Variants in THSD7B observed in about 807,000 individuals in gnomAD.
THSD7B encodes the protein thrombospondin type 1 domain containing 7B.
A neutral mutation model predicts 213.6 loss-of-function variants in THSD7B; 138 were observed. That is an observed-to-expected ratio of 0.65 (90% CI 0.56 to 0.74). The LOEUF (loss-of-function observed/expected upper bound fraction) is 0.74, where lower values mean the gene tolerates loss of function less well. Among genes scored for constraint, THSD7B ranks in the 30% least tolerant of loss-of-function variants. THSD7B has a pLI of 0.00. For missense variants in THSD7B, 1,931 were observed against 1,991.5 expected, an observed-to-expected ratio of 0.97 and a Z score of 0.58; for synonymous variants, 742 against 687.0, an observed-to-expected ratio of 1.08 and a Z score of -1.25.
intron 5 of THSD7B, among the ~76,000 whole-genome samples, chr2:137,158,893 A>G (rs1405395261): frequency 6.6e-6 from 1 of 152,220 alleles, no homozygotes; most frequent in Non-Finnish European, 1.5e-5. Context: ...AGACAATAGT[A>G]CAAACTAGTG....
At position 137,508,841 on chromosome 2, in the gene THSD7B, C is replaced by T. The variant is rs1466510648; in HGVS notation, c.3139-54380C>T. ...ACCCTGTGCCTAGAATCGTCCAGGGCCAGCAGTGTGGTCAGAGGAGAGACC... is the reference window on the plus strand; with the variant it reads ...ACCCTGTGCCTAGAATCGTCCAGGGTCAGCAGTGTGGTCAGAGGAGAGACC... On this transcript the variant is annotated intron_variant, in intron 15 of 27. Transcript: ENST00000409968. Among the ~76,000 whole-genome samples the T allele has an allele frequency of 2.6e-5, 4 of 152,174 alleles. No homozygotes were observed. The East Asian group carries it at 7.7e-4, about 29-fold the overall frequency.
intron 12 of THSD7B, among the ~76,000 whole-genome samples, chr2:137,341,057 C>A (rs1204249661): frequency 6.7e-6 from 1 of 149,014 alleles, no homozygotes; most frequent in Non-Finnish European, 1.5e-5. Flanking sequence ...ACCTTCCCAC[C>A]AACAGTTCCC....
At chr2:137,442,957 T>G (rs1687449988) in intron 14 of THSD7B, among the ~76,000 whole-genome samples, 2 of 152,116 alleles carry the variant, frequency 1.3e-5, no homozygotes, top group Admixed American at 1.3e-4. Context: ...CTGTGTGTCT[T>G]TATTGTGTTG....
At chr2:137,360,618 C>T (rs1024497682) in intron 12 of THSD7B, among the ~76,000 whole-genome samples, 2 of 152,014 alleles carry the variant, frequency 1.3e-5, no homozygotes, top group African/African-American at 4.8e-5. Context: ...ACTGCTAGTC[C>T]AAGATTGAAC....
At chr2:136,955,324 A>G (rs1245931112) in intron 2 of THSD7B, among the ~76,000 whole-genome samples, 1 of 152,238 alleles carries the variant, frequency 6.6e-6, no homozygotes, top group African/African-American at 2.4e-5. Flanking sequence ...GTTTCAGCCC[A>G]TAACATCAAA....
intron 2 of THSD7B, among the ~76,000 whole-genome samples, chr2:136,926,147 G>A (rs1357644277): frequency 1.3e-5 from 2 of 152,052 alleles, no homozygotes; most frequent in East Asian, 1.9e-4. Flanking sequence ...GCATTTGCTT[G>A]TATATGCATT....
intron 10 of THSD7B, among the ~76,000 whole-genome samples, chr2:137,267,512 C>A (rs1294856238): frequency 6.6e-6 from 1 of 151,320 alleles, no homozygotes; most frequent in Non-Finnish European, 1.5e-5. Flanking sequence ...CCCAAATCCC[C>A]CACCCCCGAG....
chr2:136,908,668 A>G lies in THSD7B; in HGVS notation c.139+26351A>G, dbSNP rs1684208902. ...TTACTGAATGAACACAGAAAGATGG[A>G]CGTGATTTTGAATGAATGACATAAT... On this transcript the variant is annotated intron_variant, in intron 2 of 27. Transcript: ENST00000409968. 1.3e-5 allele frequency among the ~76,000 whole-genome samples: 2 copies of G among 152,196 alleles called. 1 individual carries two copies. The highest frequency in any genetic ancestry group is 4.1e-4 in the South Asian group (2 of 4,834).
chr2:137,377,912 A>C (rs895341810), intron 12 of THSD7B, among the ~76,000 whole-genome samples: 2 of 152,160 alleles, frequency 1.3e-5, no homozygotes, highest in African/African-American at 4.8e-5. Context: ...GGCATAAGCT[A>C]CCGCGCCTGG....
chr2:137,298,620 C>G (rs1452593158), intron 12 of THSD7B, among the ~76,000 whole-genome samples: 1 of 152,148 alleles, frequency 6.6e-6, no homozygotes, highest in East Asian at 1.9e-4. Context: ...GCCCAGGATC[C>G]CTGTGCTGTG....
At chr2:136,879,505 G>A (rs1235432773) in intron 1 of THSD7B, among the ~76,000 whole-genome samples, 1 of 152,124 alleles carries the variant, frequency 6.6e-6, no homozygotes, top group African/African-American at 2.4e-5. Context: ...AATTGCCTTG[G>A]GCAGTATGGC....
chr2:137,629,126 G>A (rs899753547), intron 20 of THSD7B, among the ~76,000 whole-genome samples: 1 of 152,034 alleles, frequency 6.6e-6, no homozygotes, highest in Non-Finnish European at 1.5e-5. Flanking sequence ...GATGGTTCTG[G>A]ACCATAAAAA....
rs200060069 is a variant in THSD7B, at chr2:137,397,596, C to G, written c.2501-8017C>G. 4.8e-3 allele frequency among the ~76,000 whole-genome samples: 726 copies of G among 151,128 alleles called. 15 individuals are homozygous for G. In the East Asian group the frequency reaches 0.063, roughly 13 times the overall value. On this transcript the variant is annotated intron_variant, in intron 12 of 27. Coordinates refer to ENST00000409968, the MANE Select transcript of THSD7B (RefSeq NM_001316349.2). ...GACCTTTCTCTCTGGCTGCTCTTAA[C>G]ATTTTTTCCTTCATTTCAACTTTGG...
At chr2:136,921,804 G>A (rs1051233005) in intron 2 of THSD7B, among the ~76,000 whole-genome samples, 4 of 152,016 alleles carry the variant, frequency 2.6e-5, no homozygotes, top group African/African-American at 7.3e-5. Context: ...AGAACAATCA[G>A]GCCAAATTCA....
At chr2:136,884,496 A>G (rs1683683282) in intron 2 of THSD7B, among the ~76,000 whole-genome samples, 1 of 152,204 alleles carries the variant, frequency 6.6e-6, no homozygotes, top group African/African-American at 2.4e-5. Flanking sequence ...CTCCCATTGG[A>G]TGAATTCAAC....
intron 15 of THSD7B, among the ~76,000 whole-genome samples, chr2:137,485,268 T>A (rs2105112056): frequency 6.8e-6 from 1 of 146,190 alleles, no homozygotes. Flanking sequence ...GCACCATTTA[T>A]TAAATAGGGA....
chr2:137,620,584 AGTT>A, intron 19 of THSD7B, 22 bp from the exon 20 acceptor site: 1 of 1,564,872 alleles, frequency 6.4e-7, no homozygotes, highest in Non-Finnish European at 8.8e-7. Context: ...TCTCCAATAA[AGTT>A]GTGTTTCATT....
chr2:137,643,321 G>T (rs1682972723), intron 21 of THSD7B, among the ~76,000 whole-genome samples: 1 of 152,100 alleles, frequency 6.6e-6, no homozygotes, highest in African/African-American at 2.4e-5. Flanking sequence ...ATGTTCCAAA[G>T]CATACTTTAA....
intron 1 of THSD7B, among the ~76,000 whole-genome samples, chr2:136,824,242 C>G (rs1190495203): frequency 1.3e-5 from 2 of 151,976 alleles, no homozygotes; most frequent in East Asian, 3.9e-4. Context: ...TATGTATACT[C>G]ATTCATTACA....
Sources: allele counts gnomAD v4.1 joint callset (sites outside exome capture counted in the v4.1 genomes callset), GRCh38; gene constraint gnomAD v4.1.1; transcripts MANE v1.5; gene names NCBI Gene and HGNC (gene_info 2026-07-23, HGNC 2026-07-21).